The following EPHA6 variants were observed in gnomAD, a reference collection of about 807,000 sequenced individuals.
EPHA6 encodes ephrin type-A receptor 6.
EPHA6 carries 50 observed loss-of-function variants against 112.0 expected under a neutral mutation model. The observed-to-expected ratio is 0.45, with a 90% confidence interval of 0.36 to 0.56. The LOEUF (loss-of-function observed/expected upper bound fraction) is 0.56, where lower values mean the gene tolerates loss of function less well. Ranked by LOEUF, EPHA6 falls within the 20% of genes least tolerant of loss-of-function variation. EPHA6 has a pLI of 0.00. For synonymous variants in EPHA6, 529 were observed against 490.7 expected (o/e 1.08, Z -1.03); for missense variants, 1,280 against 1,417.4 (o/e 0.90, Z 1.56).
intron 5 of EPHA6, among the ~76,000 whole-genome samples, chr3:97,383,257 G>C (rs998502085): frequency 2.6e-5 from 4 of 152,004 alleles, no homozygotes; most frequent in African/African-American, 9.7e-5. Flanking sequence ...CCCTGGAAAA[G>C]GAGTAATTGC....
intron 3 of EPHA6, among the ~76,000 whole-genome samples, chr3:97,027,106 C>T (rs1298620847): frequency 1.3e-5 from 2 of 152,070 alleles, no homozygotes; most frequent in African/African-American, 4.8e-5. Flanking sequence ...TACAACGTAG[C>T]CATAAAAAGG....
intron 5 of EPHA6, among the ~76,000 whole-genome samples, chr3:97,319,286 T>C (rs2081989882): frequency 6.6e-6 from 1 of 151,606 alleles, no homozygotes. Context: ...ATCATTTCAG[T>C]ATTTTAGACC....
intron 14 of EPHA6, among the ~76,000 whole-genome samples, chr3:97,674,690 A>G (rs940965628): frequency 3.3e-5 from 5 of 152,224 alleles, no homozygotes; most frequent in African/African-American, 7.2e-5. Flanking sequence ...TGAGCCTAAT[A>G]GCTGACTGAT....
At position 96,892,950 on chromosome 3, in the gene EPHA6, A is replaced by ATG. The variant is rs1398094685; in HGVS notation, c.450+26062_450+26063insGT. On this transcript the variant is annotated intron_variant, in intron 2 of 17. Coordinates refer to ENST00000389672, the MANE Select transcript of EPHA6 (RefSeq NM_001080448.3). ...TAGCCTGATTCCAACTTATATATAT[A>ATG]TATATGTGTGTGTGTGTGTGTGTGT... 5.2e-3 allele frequency among the ~76,000 whole-genome samples: 711 copies of ATG among 136,390 alleles called. 4 individuals are homozygous for ATG. Among genetic ancestry groups the ATG allele is most frequent in the African/African-American group, 0.022 (629 of 29,136 alleles). 89.5% of individuals were successfully genotyped at this position (136,390 alleles called of 152,430 possible).
At chr3:96,878,637 A>G (rs2037119355) in intron 2 of EPHA6, among the ~76,000 whole-genome samples, 1 of 152,060 alleles carries the variant, frequency 6.6e-6, no homozygotes, top group Non-Finnish European at 1.5e-5. Context: ...ATTATGAGCT[A>G]ATGTCATTAA....
chr3:97,169,936 G>A (rs1268879695), intron 3 of EPHA6, among the ~76,000 whole-genome samples: 1 of 152,108 alleles, frequency 6.6e-6, no homozygotes, highest in Non-Finnish European at 1.5e-5. Context: ...GACACACGGA[G>A]GGGAACATCA....
intron 5 of EPHA6, among the ~76,000 whole-genome samples, chr3:97,315,092 C>T (rs2081756000): frequency 6.6e-6 from 1 of 151,534 alleles, no homozygotes; most frequent in South Asian, 2.1e-4. Context: ...AAAAAAAGTT[C>T]TCTCTGCAGA....
chr3:97,552,764 A>C lies in EPHA6; in HGVS notation c.2386+20221A>C, dbSNP rs545179446. On this transcript the variant is annotated intron_variant, in intron 11 of 17. Transcript: ENST00000389672. ...ATTTTGTCCATAAAGCACCTCTTCA[A>C]TGACACAGAAATAATAAAATACAAA... 5.3e-5 allele frequency among the ~76,000 whole-genome samples: 8 copies of C among 152,324 alleles called. No individual in the cohort carries two copies. The South Asian group carries it at 1.4e-3, about 28-fold the overall frequency.
chr3:97,340,159 C>A (rs921205999), intron 5 of EPHA6, among the ~76,000 whole-genome samples: 5 of 152,112 alleles, frequency 3.3e-5, no homozygotes, highest in Admixed American at 3.3e-4. Flanking sequence ...ATGAAGGATT[C>A]CCGCTAAATA....
rs1295838469 is a variant in EPHA6, at chr3:97,759,293, T to C, written c.*10592T>C. Among the ~76,000 whole-genome samples the C allele has an allele frequency of 6.6e-6, 1 of 151,780 alleles. No homozygotes were observed. The highest frequency in any genetic ancestry group is 1.5e-5 in the Non-Finnish European group (1 of 67,820). ...GTGGAGTCAACTATCAACTATGAAATAGTGGAGTCAAATCCCAACTGACAT... is the reference window on the plus strand; with the variant it reads ...GTGGAGTCAACTATCAACTATGAAACAGTGGAGTCAAATCCCAACTGACAT... On this transcript the variant is annotated 3_prime_UTR_variant, in exon 18 of 18. Transcript: ENST00000389672.
chr3:97,180,418 C>G (rs1197342748), intron 3 of EPHA6, among the ~76,000 whole-genome samples: 7 of 152,026 alleles, frequency 4.6e-5, no homozygotes, highest in Admixed American at 4.6e-4. Context: ...AGGCAAAGAC[C>G]CCTTTACTTT....
At chr3:97,114,028 G>A (rs527883097) in intron 3 of EPHA6, among the ~76,000 whole-genome samples, 8 of 152,152 alleles carry the variant, frequency 5.3e-5, no homozygotes, top group South Asian at 4.2e-4. Context: ...TGATCACGAG[G>A]AGGAGGTGGT....
intron 14 of EPHA6, among the ~76,000 whole-genome samples, chr3:97,690,743 C>T (rs1172288395): frequency 6.6e-6 from 1 of 152,198 alleles, no homozygotes; most frequent in Non-Finnish European, 1.5e-5. Flanking sequence ...GCTGGGATTA[C>T]AGGTGTGAGC....
In EPHA6 at chr3:97,414,871, C is replaced by A. The variant is rs186197490; in HGVS notation, c.1731+9597C>A. On this transcript the variant is annotated intron_variant, in intron 6 of 17. Coordinates refer to ENST00000389672, the MANE Select transcript of EPHA6 (RefSeq NM_001080448.3). ...ATTCTATGCCTATTGTCCCTCATGA[C>A]CTCTCCATTAAGAGACTGGTTGGCT... 1.4e-3 allele frequency among the ~76,000 whole-genome samples: 215 copies of A among 152,154 alleles called. 1 individual carries two copies. The highest frequency in any genetic ancestry group is 2.1e-4 in the Non-Finnish European group (14 of 67,968).
At chr3:97,207,524 A>G (rs570902936) in intron 3 of EPHA6, among the ~76,000 whole-genome samples, 1 of 152,282 alleles carries the variant, frequency 6.6e-6, no homozygotes, top group Non-Finnish European at 1.5e-5. Context: ...CCAGTAGATT[A>G]TTTTAGCTCA....
chr3:97,235,609 C>T (rs963532610), intron 4 of EPHA6, among the ~76,000 whole-genome samples: 1 of 152,092 alleles, frequency 6.6e-6, no homozygotes, highest in African/African-American at 2.4e-5. Context: ...TCCTAAATAT[C>T]TTCCAAATTA....
In EPHA6 at chr3:97,758,680, A is replaced by C. The variant is rs2036082865; in HGVS notation, c.*9979A>C. 6.6e-6 allele frequency among the ~76,000 whole-genome samples: 1 copy of C among 151,964 alleles called. No individual in the cohort carries two copies. Among genetic ancestry groups the C allele is most frequent in the Non-Finnish European group, 1.5e-5 (1 of 67,892 alleles). ...TACATAGCATGACTGTGGCTCCTTT[A>C]AGCGGTAGAGGAAATCTTCCCCCAA... On this transcript the variant is annotated 3_prime_UTR_variant, in exon 18 of 18. Coordinates refer to ENST00000389672, the MANE Select transcript of EPHA6 (RefSeq NM_001080448.3).
chr3:96,974,821 C>T lies in EPHA6; in HGVS notation c.451-12509C>T, dbSNP rs1179153990. 3.9e-5 allele frequency among the ~76,000 whole-genome samples: 6 copies of T among 152,090 alleles called. No individual in the cohort carries two copies. The East Asian group carries it at 1.2e-3, about 29-fold the overall frequency. On this transcript the variant is annotated intron_variant, in intron 2 of 17. Coordinates refer to ENST00000389672, the MANE Select transcript of EPHA6 (RefSeq NM_001080448.3). ...GATGCCAGGAGGAATGTCTTAAGAT[C>T]CATATAACAATTTATTCATTCTAAG... is the stretch of plus-strand genomic sequence containing the variant.
intron 7 of EPHA6, among the ~76,000 whole-genome samples, chr3:97,466,848 A>T (rs2091073191): frequency 6.6e-6 from 1 of 151,916 alleles, no homozygotes; most frequent in Admixed American, 6.6e-5. Flanking sequence ...ACTCCTGAAG[A>T]TGTTGTGCTA....
Sources: allele counts gnomAD v4.1 joint callset (sites outside exome capture counted in the v4.1 genomes callset), GRCh38; gene constraint gnomAD v4.1.1; transcripts MANE v1.5; gene names NCBI Gene and HGNC (gene_info 2026-07-23, HGNC 2026-07-21).